PTCHD1: variants seen among roughly 807,000 people sequenced by gnomAD.
PTCHD1 encodes patched domain-containing protein 1.
Under a neutral mutation model 34.6 loss-of-function variants are expected in PTCHD1, and 3 were observed. The ratio of observed to expected loss-of-function variants is 0.09; its 90% CI spans 0.04 to 0.22. The LOEUF is 0.22. Among genes scored for constraint, PTCHD1 ranks in the 10% least tolerant of loss-of-function variants. PTCHD1 has a pLI of 1.00. For synonymous variants in PTCHD1, 305 were observed against 283.1 expected, an observed-to-expected ratio of 1.08 and a Z score of -0.77; for missense variants, 504 against 685.5, an observed-to-expected ratio of 0.74 and a Z score of 2.96.
chrX:23,385,869 ATATAT>A (rs1922675345), intron 2 of PTCHD1, among the ~76,000 whole-genome samples: 1 of 111,328 alleles, frequency 9.0e-6, no homozygotes, highest in South Asian at 3.8e-4. Flanking sequence ...TGTGCATAAT[ATATAT>A]TATATATCAC....
intron 1 of PTCHD1, among the ~76,000 whole-genome samples, chrX:23,356,250 CG>C (rs746142628): frequency 8.9e-6 from 1 of 111,819 alleles, no homozygotes; most frequent in Admixed American, 9.5e-5. Flanking sequence ...GTGCTGGGAG[CG>C]GGGATATAAC....
At chrX:23,345,875 T>A (rs1921463309) in intron 1 of PTCHD1, among the ~76,000 whole-genome samples, 1 of 111,839 alleles carries the variant, frequency 8.9e-6, no homozygotes, top group Non-Finnish European at 1.9e-5. Flanking sequence ...TAAATAAATC[T>A]GAATATCTGA....
At position 23,380,166 on chromosome X, in the gene PTCHD1, G is replaced by A. The variant is rs758235274; in HGVS notation, c.927G>A (p.Leu309=). 8.3e-7 allele frequency: 1 copy of A among 1,211,137 alleles called. No homozygotes were observed. The highest frequency in any genetic ancestry group is 1.7e-5 in the African/African-American group (1 of 57,784). The change falls in exon 2 of 3, where the codon CTG becomes CTA. Residue 309 remains leucine, a synonymous_variant. Transcript: ENST00000379361. ...TGCTCGGATTGGTGACCATAAGCCT[G>A]GCCACTCTCACTGCAGCCGGGATCA... ...LGLLGLVTIS[L]ATLTAAGIIN...
chrX:23,349,462 A>T (rs1017649525), intron 1 of PTCHD1, among the ~76,000 whole-genome samples: 1 of 111,966 alleles, frequency 8.9e-6, no homozygotes, highest in Non-Finnish European at 1.9e-5. Context: ...AAGTAAAGGG[A>T]TGGGGAAAGA....
At position 23,403,622 on chromosome X, in the gene PTCHD1, A is replaced by G. The variant is rs1007847040; in HGVS notation, c.*9437A>G. 9.0e-6 allele frequency: 1 copy of G among 111,264 alleles called. No homozygotes were observed. Among genetic ancestry groups the G allele is most frequent in the African/African-American group, 3.3e-5 (1 of 30,576 alleles). The allele number at this position is 111,264 out of a possible 1,213,427, so 9.2% of individuals were successfully genotyped here. A position where few individuals can be genotyped will look rare whatever the true frequency, so the allele number is the denominator to read the frequency against. On this transcript the variant is annotated 3_prime_UTR_variant, in exon 3 of 3. Coordinates refer to ENST00000379361, the MANE Select transcript of PTCHD1 (RefSeq NM_173495.3). ...ACAGATCTTTTTTGGTACCCTCTAC[A>G]TCATCATAGCAAGGCCCTTCTGAAC...
intron 1 of PTCHD1, among the ~76,000 whole-genome samples, chrX:23,356,428 C>T (rs1921804785): frequency 8.9e-6 from 1 of 112,086 alleles, no homozygotes; most frequent in Non-Finnish European, 1.9e-5. Flanking sequence ...AAGCCCATCA[C>T]TTCTCACAAG....
intron 1 of PTCHD1, among the ~76,000 whole-genome samples, chrX:23,366,795 G>T (rs183048488): frequency 9.0e-6 from 1 of 111,230 alleles, no homozygotes; most frequent in East Asian, 2.8e-4. Flanking sequence ...ATGGCTTCAG[G>T]TAAGATTTAC....
Position 23,396,317 on chromosome X carries a change from G to A in PTCHD1, c.*2132G>A. On this transcript the variant is annotated 3_prime_UTR_variant, in exon 3 of 3. Coordinates refer to ENST00000379361, the MANE Select transcript of PTCHD1 (RefSeq NM_173495.3). The stretch of plus-strand genomic sequence containing the variant: ...AGAAGATAATAAGCTTTAATCTGAG[G>A]GCAAGTACAGTCCTGACAAAAGGGC... The A allele has an allele frequency of 8.9e-6, 1 of 111,903 alleles. No individual in the cohort carries two copies. Among genetic ancestry groups the A allele is most frequent in the East Asian group, 2.8e-4 (1 of 3,570 alleles). 9.2% of individuals were successfully genotyped at this position (111,903 alleles called of 1,213,427 possible). A position where few individuals can be genotyped will look rare whatever the true frequency, so the allele number is the denominator to read the frequency against.
intron 1 of PTCHD1, among the ~76,000 whole-genome samples, chrX:23,362,635 G>T (rs1488967808): frequency 8.9e-6 from 1 of 112,137 alleles, no homozygotes; most frequent in East Asian, 2.8e-4. Flanking sequence ...CTGTCAGCTT[G>T]TCAAAGTTGT....
chrX:23,380,281 C>T (rs763853345), intron 2 of PTCHD1, 30 bp downstream of exon 2: 34 of 1,174,412 alleles, frequency 2.9e-5, no homozygotes, highest in East Asian at 5.9e-5. Context: ...CTTCTGTTTC[C>T]GCCTGCTGGT....
At chrX:23,347,833 C>A (rs1409586371) in intron 1 of PTCHD1, among the ~76,000 whole-genome samples, 2 of 110,857 alleles carry the variant, frequency 1.8e-5, no homozygotes, top group Non-Finnish European at 3.8e-5. Flanking sequence ...TAGCAAGACC[C>A]CGTCTCTACA....
chrX:23,342,266 C>CATATATA (rs1921331408), intron 1 of PTCHD1, among the ~76,000 whole-genome samples: 2 of 31,261 alleles, frequency 6.4e-5, no homozygotes, highest in Non-Finnish European at 1.2e-4. Flanking sequence ...GTGTTTCTCC[C>CATATATA]TATATATATA....
At chrX:23,384,185 G>C (rs913062749) in intron 2 of PTCHD1, among the ~76,000 whole-genome samples, 1 of 112,479 alleles carries the variant, frequency 8.9e-6, no homozygotes, top group African/African-American at 3.2e-5. Flanking sequence ...AAGGAGAATT[G>C]AAGTCGTAGT....
intron 2 of PTCHD1, among the ~76,000 whole-genome samples, chrX:23,391,948 C>T (rs1472169712): frequency 1.8e-5 from 2 of 110,926 alleles, no homozygotes; most frequent in Non-Finnish European, 3.8e-5. Flanking sequence ...CCTCCAACTC[C>T]GAGGCTCAAG....
In PTCHD1 at chrX:23,380,083, A is replaced by G. The variant is rs1310141109; in HGVS notation, c.844A>G (p.Met282Val). Residue 282 changes from methionine (M) to valine (V), a missense_variant, in exon 2 of 3, where the codon ATG (methionine) becomes GTG (valine). By Grantham distance (21) the Met-to-Val change is conservative (BLOSUM62 1). Transcript: ENST00000379361. ...LVTSLILVVT[M>V]AILCCSMQDC... is the part of the protein sequence containing the mutation. ...CACCAGCCTGATTCTGGTGGTTACC[A>G]TGGCCATCCTGTGTTGCTCTATGCA... 4.1e-6 allele frequency: 5 copies of G among 1,212,081 alleles called. No individual in the cohort carries two copies. The South Asian group carries it at 5.3e-5, about 13-fold the overall frequency.
intron 1 of PTCHD1, among the ~76,000 whole-genome samples, chrX:23,359,371 G>C (rs780994652): frequency 1.8e-5 from 2 of 111,853 alleles, no homozygotes; most frequent in Non-Finnish European, 3.8e-5. Flanking sequence ...CACATCCCTT[G>C]TAAGTTGGAT....
At chrX:23,362,398 T>C (rs1922012704) in intron 1 of PTCHD1, among the ~76,000 whole-genome samples, 1 of 112,477 alleles carries the variant, frequency 8.9e-6, no homozygotes, top group Non-Finnish European at 1.9e-5. Context: ...TTCATTAATT[T>C]GATCTTCAAT....
In PTCHD1 at chrX:23,397,075, C is replaced by T. The variant is rs1017462881; in HGVS notation, c.*2890C>T. 7.2e-5 allele frequency: 8 copies of T among 111,791 alleles called. No homozygotes were observed. Among genetic ancestry groups the T allele is most frequent in the South Asian group, 3.7e-4 (1 of 2,706 alleles). The allele number at this position is 111,791 out of a possible 1,213,427, so 9.2% of individuals were successfully genotyped here. A position where few individuals can be genotyped will look rare whatever the true frequency, so the allele number is the denominator to read the frequency against. ...CAATTAATTCCAACCAAGACATTAA[C>T]GTCCACTTTACCAAAGAAACTTACT... is the stretch of plus-strand genomic sequence containing the variant. On this transcript the variant is annotated 3_prime_UTR_variant, in exon 3 of 3. Coordinates refer to ENST00000379361, the MANE Select transcript of PTCHD1 (RefSeq NM_173495.3).
At chrX:23,390,355 C>T (rs1466012965) in intron 2 of PTCHD1, among the ~76,000 whole-genome samples, 2 of 101,282 alleles carry the variant, frequency 2.0e-5, no homozygotes, top group African/African-American at 7.4e-5. Flanking sequence ...ACAAAAAAAA[C>T]AATATTATTT....
Sources: allele counts gnomAD v4.1 joint callset (sites outside exome capture counted in the v4.1 genomes callset), GRCh38; gene constraint gnomAD v4.1.1; transcripts MANE v1.5; gene names NCBI Gene and HGNC (gene_info 2026-07-23, HGNC 2026-07-21).